The following OR9Q1 variants were observed in gnomAD, a reference collection of about 807,000 sequenced individuals.
The protein encoded by OR9Q1 is olfactory receptor family 9 subfamily Q member 1, also known as olfactory receptor 9Q1.
For synonymous variants in OR9Q1, 153 were observed against 148.6 expected (o/e 1.03, Z -0.22); for missense variants, 374 against 378.8 (o/e 0.99, Z 0.11).
At chr11:58,128,702 T>C (rs879580903) in intron 2 of OR9Q1, among the ~76,000 whole-genome samples, 1 of 152,182 alleles carries the variant, frequency 6.6e-6, no homozygotes, top group Non-Finnish European at 1.5e-5. Context: ...TGTGGAAATG[T>C]ACTTTTTTAA....
In OR9Q1 at chr11:58,104,216, G is replaced by A. The variant is rs576121667; in HGVS notation, c.-15+48269G>A. ...ACTGAGTAAAACTAAAATATATGAAGCTTGTATTTTGTACAAGGCCATGAC... is the reference window on the plus strand; with the variant it reads ...ACTGAGTAAAACTAAAATATATGAAACTTGTATTTTGTACAAGGCCATGAC... On this transcript the variant is annotated intron_variant, in intron 2 of 2. Coordinates refer to ENST00000335397, the MANE Select transcript of OR9Q1 (RefSeq NM_001005212.4). Among the ~76,000 whole-genome samples the A allele has an allele frequency of 1.1e-4, 16 of 152,082 alleles. No homozygotes were observed. In the East Asian group the frequency reaches 3.1e-3, roughly 29 times the overall value.
At chr11:58,073,002 C>G (rs905480710) in intron 2 of OR9Q1, 1 of 209,156 alleles carries the variant, frequency 4.8e-6, no homozygotes, top group African/African-American at 2.4e-5. Flanking sequence ...TTCATCTGGT[C>G]CTCTCCATTT....
intron 2 of OR9Q1, among the ~76,000 whole-genome samples, chr11:58,088,576 C>A (rs113711395): frequency 6.6e-6 from 1 of 151,806 alleles, no homozygotes; most frequent in African/African-American, 2.4e-5. Flanking sequence ...TGACCAGTGA[C>A]GATGAGCTTT....
chr11:58,164,988 T>G (rs1854488000), intron 2 of OR9Q1, among the ~76,000 whole-genome samples: 1 of 152,238 alleles, frequency 6.6e-6, no homozygotes, highest in Non-Finnish European at 1.5e-5. Context: ...TGAGGCTTTC[T>G]CTGATAACCC....
At chr11:58,104,079 CA>C (rs1245243527) in intron 2 of OR9Q1, among the ~76,000 whole-genome samples, 2 of 152,122 alleles carry the variant, frequency 1.3e-5, no homozygotes, top group Non-Finnish European at 2.9e-5. Context: ...CATGCATTGG[CA>C]TCTAAGCCAA....
At chr11:58,175,125 AAAG>A (rs2119960203) in intron 2 of OR9Q1, among the ~76,000 whole-genome samples, 1 of 150,956 alleles carries the variant, frequency 6.6e-6, no homozygotes, top group Non-Finnish European at 1.5e-5. Context: ...AAAAAAAAAA[AAAG>A]GAGATTTAGA....
intron 2 of OR9Q1, among the ~76,000 whole-genome samples, chr11:58,159,890 A>G (rs1473341061): frequency 6.6e-6 from 1 of 152,234 alleles, no homozygotes; most frequent in Non-Finnish European, 1.5e-5. Flanking sequence ...ATATTGATAG[A>G]TGCCTCCGTC....
rs1277238290 is a variant in OR9Q1, at chr11:58,082,793, T to A, written c.-15+26846T>A. Reference sequence around the variant, plus strand: ...AATAAAAAGTTAGGTCTTCTTTTTTTAAAATTTTATTATTATTATACTTTA... The same window carrying A: ...AATAAAAAGTTAGGTCTTCTTTTTTAAAAATTTTATTATTATTATACTTTA... On this transcript the variant is annotated intron_variant, in intron 2 of 2. Transcript: ENST00000335397. 1.1e-4 allele frequency among the ~76,000 whole-genome samples: 17 copies of A among 148,704 alleles called. No homozygotes were observed. The East Asian group carries it at 3.2e-3, about 28-fold the overall frequency.
chr11:58,113,389 C>T (rs990218600), intron 2 of OR9Q1, among the ~76,000 whole-genome samples: 1 of 152,098 alleles, frequency 6.6e-6, no homozygotes, highest in Non-Finnish European at 1.5e-5. Context: ...AAGTACAAAC[C>T]AGAACTAACA....
chr11:58,065,782 A>G (rs1425474386), intron 2 of OR9Q1, among the ~76,000 whole-genome samples: 1 of 152,152 alleles, frequency 6.6e-6, no homozygotes, highest in East Asian at 1.9e-4. Flanking sequence ...AGAGAGAGAA[A>G]AGGCCTTGCT....
intron 2 of OR9Q1, among the ~76,000 whole-genome samples, chr11:58,168,068 T>C: frequency 6.6e-6 from 1 of 152,228 alleles, no homozygotes; most frequent in East Asian, 1.9e-4. Flanking sequence ...TTGAGAGTTT[T>C]ATTGGACTTG....
At chr11:58,128,364 G>C (rs1376900272) in intron 2 of OR9Q1, among the ~76,000 whole-genome samples, 1 of 151,786 alleles carries the variant, frequency 6.6e-6, no homozygotes, top group Non-Finnish European at 1.5e-5. Flanking sequence ...GTAAGAATTG[G>C]TAGATACATC....
At chr11:58,141,543 C>A (rs906537659) in intron 2 of OR9Q1, among the ~76,000 whole-genome samples, 5 of 152,132 alleles carry the variant, frequency 3.3e-5, no homozygotes, top group African/African-American at 9.7e-5. Flanking sequence ...ATATGTTGAA[C>A]CAGCCTTGCA....
At chr11:58,114,176 C>T (rs1565079500) in intron 2 of OR9Q1, among the ~76,000 whole-genome samples, 1 of 152,116 alleles carries the variant, frequency 6.6e-6, no homozygotes, top group Non-Finnish European at 1.5e-5. Flanking sequence ...GAGCCTTGGA[C>T]CTCATAGGTC....
At chr11:58,101,299 A>T (rs1031391253) in intron 2 of OR9Q1, among the ~76,000 whole-genome samples, 1 of 151,952 alleles carries the variant, frequency 6.6e-6, no homozygotes, top group African/African-American at 2.4e-5. Flanking sequence ...GCCAACATTT[A>T]TTGTTTTTTG....
chr11:58,151,559 G>A (rs1854352043), intron 2 of OR9Q1, among the ~76,000 whole-genome samples: 1 of 152,132 alleles, frequency 6.6e-6, no homozygotes, highest in Non-Finnish European at 1.5e-5. Context: ...ACAACATAAA[G>A]TAAAACTCCT....
intron 2 of OR9Q1, among the ~76,000 whole-genome samples, chr11:58,125,958 C>G (rs149806293): frequency 6.6e-6 from 1 of 152,180 alleles, no homozygotes; most frequent in Non-Finnish European, 1.5e-5. Context: ...TTACAACACA[C>G]TCATCCTTAG....
intron 2 of OR9Q1, among the ~76,000 whole-genome samples, chr11:58,147,026 G>C (rs1203706825): frequency 6.6e-6 from 1 of 152,156 alleles, no homozygotes; most frequent in African/African-American, 2.4e-5. Context: ...GGACGCTGGT[G>C]GTGGTGGAGT....
chr11:58,119,486 A>G (rs746536966), intron 2 of OR9Q1: 128 of 1,268,830 alleles, frequency 1.0e-4, no homozygotes, highest in Non-Finnish European at 1.2e-4. Context: ...ATAATGAAAT[A>G]AAAAGAATCT....
Sources: gnomAD v4.1 joint callset for allele counts (sites outside exome capture counted in the v4.1 genomes callset) on GRCh38, gnomAD v4.1.1 for gene constraint, MANE v1.5 for transcripts, NCBI Gene and HGNC (gene_info 2026-07-23, HGNC 2026-07-21) for gene names.